The following THY1 variants were observed in gnomAD, a reference collection of about 807,000 sequenced individuals.
THY1 encodes thy-1 membrane glycoprotein.
A neutral mutation model predicts 14.9 loss-of-function variants in THY1; 10 were observed. The observed-to-expected ratio is 0.67, with a 90% confidence interval of 0.41 to 1.14. The LOEUF (loss-of-function observed/expected upper bound fraction) is 1.14. Among genes scored for constraint, THY1 ranks in the 50% most tolerant of loss-of-function variants. The pLI, the probability that THY1 is intolerant of heterozygous loss-of-function variation, is 0.00. For synonymous variants in THY1, 80 were observed against 90.0 expected (o/e 0.89, Z 0.63); for missense variants, 159 against 202.1 (o/e 0.79, Z 1.29).
At chr11:119,420,002 C>G in intron 3 of THY1, 49 bp downstream of exon 3, 1 of 1,564,724 alleles carries the variant, frequency 6.4e-7, no homozygotes, top group Non-Finnish European at 8.7e-7. Flanking sequence ...CTGCTGTCCC[C>G]GAGCCTGGCT....
upstream of THY1, chr11:119,423,413 G>T (rs1861954268): frequency 2.8e-6 from 1 of 355,118 alleles, no homozygotes; most frequent in African/African-American, 2.1e-5. Flanking sequence ...GGGACCCCGG[G>T]GATCAGGGTG....
At chr11:119,420,686 T>C in intron 2 of THY1, 183 bp downstream of exon 2, 1 of 778,482 alleles carries the variant, frequency 1.3e-6, no homozygotes, top group East Asian at 2.5e-5. Context: ...CTCAGCAAAC[T>C]GTGTTTTCAA....
chr11:119,417,172 C>T lies in THY1; in HGVS notation c.*2236G>A, dbSNP rs929162950. On this transcript the variant is annotated 3_prime_UTR_variant, in exon 4 of 4. Coordinates refer to ENST00000284240, the MANE Select transcript of THY1 (RefSeq NM_006288.5). ...CTTTCCTTGGCACGGCGCTTGCAGC[C>T]CAAGCAGGGCTGAAGGAGAGGGGCC... Among the ~76,000 whole-genome samples, 5 of 152,216 alleles carry T rather than the reference C, an allele frequency of 3.3e-5. No homozygotes were observed. The highest frequency in any genetic ancestry group is 1.2e-4 in the African/African-American group (5 of 41,464).
intron 3 of THY1, 180 bp downstream of exon 3, chr11:119,419,871 C>T: frequency 1.4e-6 from 1 of 715,190 alleles, no homozygotes; most frequent in Non-Finnish European, 2.3e-6. Context: ...CCTGTCTGGC[C>T]CTGAGCTCTT....
Position 119,417,757 on chromosome 11 carries a change from CG to C in THY1, c.*1650del. 1 of 152,450 alleles carries C rather than the reference CG, an allele frequency of 6.6e-6. No homozygotes were observed. The highest frequency in any genetic ancestry group is 2.4e-5 in the African/African-American group (1 of 41,588). The allele number at this position is 152,450 out of a possible 1,614,324, so 9.4% of individuals were successfully genotyped here. A position where few individuals can be genotyped will look rare whatever the true frequency, so the allele number is the denominator to read the frequency against. On this transcript the variant is annotated 3_prime_UTR_variant, in exon 4 of 4. Transcript: ENST00000284240. ...GAGGACATGGGCATCTCCCACCCTT[CG>C]TGCTCACCCTCGCAATAGTGGATGT... is the stretch of plus-strand genomic sequence containing the variant.
At position 119,423,150 on chromosome 11, in the gene THY1, A is replaced by ACGCGCCGCCGCCTC. The variant is rs1491308290; in HGVS notation, c.-76_-63dup. 4.4e-5 allele frequency: 20 copies of ACGCGCCGCCGCCTC among 455,388 alleles called. No individual in the cohort carries two copies. Among genetic ancestry groups the ACGCGCCGCCGCCTC allele is most frequent in the Admixed American group, 3.5e-4 (15 of 42,550 alleles). 28.2% of individuals were successfully genotyped at this position (455,388 alleles called of 1,614,324 possible). On this transcript the variant is annotated 5_prime_UTR_variant, in exon 1 of 4. Coordinates refer to ENST00000284240, the MANE Select transcript of THY1 (RefSeq NM_006288.5). ...CTTCCGCTGCTGCAGCCTCCTCCAG[A>ACGCGCCGCCGCCTC]CGCGCCGCCGCCTCCGGTTGCTGCA...
intron 1 of THY1, 64 bp downstream of exon 1, chr11:119,423,049 A>T (rs1292237377): frequency 6.6e-6 from 3 of 455,542 alleles, no homozygotes; most frequent in Non-Finnish European, 1.3e-5. Context: ...TAGTGTTGGG[A>T]AGTCTTGCAT....
intron 1 of THY1, among the ~76,000 whole-genome samples, chr11:119,421,441 G>A (rs143106499): frequency 6.6e-6 from 1 of 152,268 alleles, no homozygotes; most frequent in African/African-American, 2.4e-5. Context: ...GTAAAACTCT[G>A]TATCTGTTAA....
At position 119,419,138 on chromosome 11, in the gene THY1, A is replaced by T; in HGVS notation, c.*270T>A. ...CTTCCCTCTTCACGAACTCTCAAAGAAAAGGAAGGATAAAACCTAAATAAA... is the reference window on the plus strand; with the variant it reads ...CTTCCCTCTTCACGAACTCTCAAAGTAAAGGAAGGATAAAACCTAAATAAA... On this transcript the variant is annotated 3_prime_UTR_variant, in exon 4 of 4. Transcript: ENST00000284240. 1 of 442,792 alleles carries T rather than the reference A, an allele frequency of 2.3e-6. No individual in the cohort carries two copies. The highest frequency in any genetic ancestry group is 2.1e-5 in the South Asian group (1 of 48,048). The allele number at this position is 442,792 out of a possible 1,614,324, so 27.4% of individuals were successfully genotyped here.
Position 119,422,860 on chromosome 11 carries a change from C to G in THY1, c.-25+253G>C, listed in dbSNP as rs1210269034. Reference sequence around the variant, plus strand: ...CTCCCTGTTCTCCAGCGCCCCAGCCCCAGACACCAGTCCCCCAGCGGGCGA... The same window carrying G: ...CTCCCTGTTCTCCAGCGCCCCAGCCGCAGACACCAGTCCCCCAGCGGGCGA... On this transcript the variant is annotated intron_variant, in intron 1 of 3. Transcript: ENST00000284240. The surrounding 1 kb of genome is among the most constrained non-coding windows in gnomAD (Gnocchi z 7.0). 2.0e-5 allele frequency among the ~76,000 whole-genome samples: 3 copies of G among 152,240 alleles called. No homozygotes were observed. The highest frequency in any genetic ancestry group is 7.2e-5 in the African/African-American group (3 of 41,462).
In THY1 at chr11:119,420,515, C is replaced by T. The variant is rs759381231; in HGVS notation, c.38-129G>A. ...TCTGCTCTCTGAGTGCCTTTCCCCA[C>T]CCCAGGGATCCCACTTCTCCTTTGC... On this transcript the variant is annotated intron_variant, in intron 2 of 3. Transcript: ENST00000284240. The T allele has an allele frequency of 7.0e-6, 6 of 851,440 alleles. No homozygotes were observed. In the Admixed American group the frequency reaches 1.7e-4, roughly 25 times the overall value. 52.7% of individuals were successfully genotyped at this position (851,440 alleles called of 1,614,324 possible).
chr11:119,418,504 TG>T lies in THY1; in HGVS notation c.*903del, dbSNP rs1366306035. 1 of 152,364 alleles carries T rather than the reference TG, an allele frequency of 6.6e-6. No homozygotes were observed. Among genetic ancestry groups the T allele is most frequent in the African/African-American group, 2.4e-5 (1 of 41,450 alleles). 9.4% of individuals were successfully genotyped at this position (152,364 alleles called of 1,614,324 possible). On this transcript the variant is annotated 3_prime_UTR_variant, in exon 4 of 4. Transcript: ENST00000284240. ...ACTTGGGCCAAACCCTGTGCAGCTC[TG>T]GGACTCCACCCCACCTGACTTGGAG...
intron 3 of THY1, 118 bp from the exon 4 acceptor site, chr11:119,419,638 T>TA: frequency 1.3e-6 from 1 of 771,086 alleles, no homozygotes; most frequent in Admixed American, 2.3e-5. Context: ...TGCAATGTCT[T>TA]AGCTGGGACC....
upstream of THY1, chr11:119,423,409 C>T: frequency 2.8e-6 from 1 of 355,136 alleles, no homozygotes; most frequent in South Asian, 2.1e-5. Flanking sequence ...GTTCGGGACC[C>T]CGGGGATCAG....
chr11:119,415,740 G>A lies in THY1; in HGVS notation c.*3668C>T, dbSNP rs1236841287. 6.6e-6 allele frequency among the ~76,000 whole-genome samples: 1 copy of A among 152,182 alleles called. No homozygotes were observed. Among genetic ancestry groups the A allele is most frequent in the East Asian group, 1.9e-4 (1 of 5,186 alleles). On this transcript the variant is annotated 3_prime_UTR_variant, in exon 4 of 4. Coordinates refer to ENST00000284240, the MANE Select transcript of THY1 (RefSeq NM_006288.5). ...AAGATGCCTCCTGTGGGTCTGCACA[G>A]GACATGTTTCTCCTTGAGTGTGTTG...
chr11:119,420,231 C>A lies in THY1; in HGVS notation c.193G>T (p.Gly65Cys). The change falls in exon 3 of 4, where the codon GGC (glycine) becomes TGC (cysteine). Residue 65 changes from glycine to cysteine, a missense_variant. By Grantham distance (159) the Gly-to-Cys change is radical (BLOSUM62 -3). Transcript: ENST00000284240. The part of the protein sequence containing the change: ...TRETKKHVLF[G>C]TVGVPEHTYR... ...GTGTGCTCAGGCACCCCCACAGTGC[C>A]AAAGAGCACGTGCTTCTTTGTCTCA... 1 of 1,614,262 alleles carries A rather than the reference C, an allele frequency of 6.2e-7. No individual in the cohort carries two copies. Among genetic ancestry groups the A allele is most frequent in the Non-Finnish European group, 8.5e-7 (1 of 1,180,050 alleles).
rs200329494 is a variant in THY1, at chr11:119,420,427, G to A, written c.38-41C>T. 4.8e-4 allele frequency: 734 copies of A among 1,541,320 alleles called. 3 individuals carry two copies. The highest frequency in any genetic ancestry group is 2.7e-3 in the African/African-American group (200 of 73,616). On this transcript the variant is annotated intron_variant, in intron 2 of 3. Coordinates refer to ENST00000284240, the MANE Select transcript of THY1 (RefSeq NM_006288.5). The stretch of plus-strand genomic sequence containing the variant: ...CCTCCTTCAAACTGGAGGGGCCTGC[G>A]GCACAGGGGCCTCCCACCCACCTGA...
At position 119,417,876 on chromosome 11, in the gene THY1, A is replaced by T. The variant is rs920840420; in HGVS notation, c.*1532T>A. The T allele has an allele frequency of 6.6e-6, 1 of 152,300 alleles. No homozygotes were observed. Among genetic ancestry groups the T allele is most frequent in the African/African-American group, 2.4e-5 (1 of 41,462 alleles). 9.4% of individuals were successfully genotyped at this position (152,300 alleles called of 1,614,324 possible). A position where few individuals can be genotyped will look rare whatever the true frequency, so the allele number is the denominator to read the frequency against. Reference sequence around the variant, plus strand: ...CAGATTCACGCAAAGCCACTTGTGCATTCCAGAGCCAGGGCCATGTGGTTC... The same window carrying T: ...CAGATTCACGCAAAGCCACTTGTGCTTTCCAGAGCCAGGGCCATGTGGTTC... On this transcript the variant is annotated 3_prime_UTR_variant, in exon 4 of 4. Coordinates refer to ENST00000284240, the MANE Select transcript of THY1 (RefSeq NM_006288.5).
rs1188798298 is a variant in THY1 at position 119,420,864 on chromosome 11, G to T, written c.37+5C>A. 1.2e-6 allele frequency: 2 copies of T among 1,614,144 alleles called. No individual in the cohort carries two copies. The highest frequency in any genetic ancestry group is 2.7e-5 in the African/African-American group (2 of 75,036). On this transcript the variant is annotated splice_donor_5th_base_variant and intron_variant, in intron 2 of 3. Coordinates refer to ENST00000284240, the MANE Select transcript of THY1 (RefSeq NM_006288.5). ...GGAGCCCCAGTCCTGCCCCATGCCG[G>T]GTACCTGTTAGCAGGAGAGCGATGC... is the stretch of plus-strand genomic sequence containing the variant.
Sources: allele counts gnomAD v4.1 joint callset (sites outside exome capture counted in the v4.1 genomes callset), GRCh38; gene constraint gnomAD v4.1.1; non-coding constraint Gnocchi (gnomAD v3.1); transcripts MANE v1.5; gene names NCBI Gene and HGNC (gene_info 2026-07-23, HGNC 2026-07-21).